Variants in RARS2 observed in about 807,000 individuals in gnomAD.
The protein encoded by RARS2 is arginyl-tRNA synthetase 2, mitochondrial.
RARS2 carries 67 observed loss-of-function variants against 88.5 expected under a neutral mutation model. The ratio of observed to expected loss-of-function variants is 0.76; its 90% CI spans 0.62 to 0.93. The LOEUF (loss-of-function observed/expected upper bound fraction) is 0.93. Among genes scored for constraint, RARS2 ranks in the 40% least tolerant of loss-of-function variants. The probability of loss-of-function intolerance (pLI) is 0.00; values close to 1 mark genes in which losing one functional copy is unlikely to be tolerated. For missense variants in RARS2, 664 were observed against 684.2 expected, an observed-to-expected ratio of 0.97 and a Z score of 0.33; for synonymous variants, 239 against 230.3, an observed-to-expected ratio of 1.04 and a Z score of -0.34.
At chr6:87,548,387 A>C (rs968584808) in intron 6 of RARS2, among the ~76,000 whole-genome samples, 2 of 152,218 alleles carry the variant, frequency 1.3e-5, no homozygotes, top group African/African-American at 4.8e-5. Context: ...TTCTCAGTGA[A>C]TCTTTTGGTT....
intron 1 of RARS2, among the ~76,000 whole-genome samples, chr6:87,574,503 T>G (rs1452828001): frequency 6.6e-6 from 1 of 152,040 alleles, no homozygotes; most frequent in African/African-American, 2.4e-5. Flanking sequence ...GGCAGAGCTG[T>G]CAAGCATGAG....
intron 10 of RARS2, among the ~76,000 whole-genome samples, chr6:87,525,633 C>G (rs1400129740): frequency 4.0e-5 from 6 of 151,338 alleles, no homozygotes; most frequent in Non-Finnish European, 5.9e-5. Flanking sequence ...ATTGCAACCT[C>G]TGCCTCCTGG....
intron 4 of RARS2, among the ~76,000 whole-genome samples, chr6:87,556,525 G>A (rs1051942254): frequency 3.9e-5 from 6 of 151,914 alleles, no homozygotes; most frequent in East Asian, 1.9e-4. Context: ...AGTGGATCAC[G>A]CCTGTAACCC....
intron 1 of RARS2, among the ~76,000 whole-genome samples, chr6:87,575,277 A>ACACACACACACACC (rs1422126329): frequency 5.0e-5 from 7 of 140,054 alleles, no homozygotes; most frequent in African/African-American, 1.1e-4. Flanking sequence ...ACACACACAC[A>ACACACACACACACC]CCTTGGCTTC....
intron 4 of RARS2, among the ~76,000 whole-genome samples, chr6:87,557,305 C>G (rs995418813): frequency 1.3e-5 from 2 of 152,170 alleles, no homozygotes; most frequent in Admixed American, 1.3e-4. Flanking sequence ...AATATATAGA[C>G]AGTATACAGA....
intron 7 of RARS2, among the ~76,000 whole-genome samples, chr6:87,543,049 C>T (rs1409165757): frequency 6.6e-6 from 1 of 152,056 alleles, no homozygotes; most frequent in East Asian, 1.9e-4. Context: ...TGCCTGTAAT[C>T]CCAGCACATT....
intron 11 of RARS2, among the ~76,000 whole-genome samples, chr6:87,522,052 C>T (rs987840513): frequency 1.3e-5 from 2 of 152,138 alleles, no homozygotes; most frequent in African/African-American, 4.8e-5. Context: ...TAAAGTCGGC[C>T]AGGTGTGGCG....
intron 4 of RARS2, among the ~76,000 whole-genome samples, chr6:87,561,981 T>C (rs905449098): frequency 3.3e-5 from 5 of 152,228 alleles, no homozygotes; most frequent in East Asian, 1.9e-4. Context: ...AATTTTTATT[T>C]TGAGACAAGG....
intron 8 of RARS2, among the ~76,000 whole-genome samples, chr6:87,532,498 G>GTA (rs1368166252): frequency 6.6e-6 from 1 of 152,134 alleles, no homozygotes; most frequent in Non-Finnish European, 1.5e-5. Flanking sequence ...TGGACACAGG[G>GTA]TATCTAATGA....
chr6:87,584,747 C>T (rs1774619246), intron 1 of RARS2: 1 of 458,810 alleles, frequency 2.2e-6, no homozygotes, highest in African/African-American at 2.0e-5. Context: ...GATTTATGAA[C>T]AGAAGTCATA....
At chr6:87,583,043 T>G (rs966122839) in intron 1 of RARS2, among the ~76,000 whole-genome samples, 5 of 152,220 alleles carry the variant, frequency 3.3e-5, no homozygotes, top group African/African-American at 1.2e-4. Context: ...ATCTGATAAC[T>G]GTACTATGGT....
chr6:87,548,837 A>G (rs1347676027), intron 5 of RARS2, among the ~76,000 whole-genome samples, 191 bp from the exon 6 acceptor site: 3 of 152,218 alleles, frequency 2.0e-5, no homozygotes, highest in Non-Finnish European at 4.4e-5. Flanking sequence ...TGTTAATGAA[A>G]TTGATCTTGT....
intron 2 of RARS2, chr6:87,564,506 C>T (rs563947686): frequency 7.1e-5 from 28 of 396,866 alleles, no homozygotes; most frequent in Non-Finnish European, 1.2e-4. Context: ...AAAATACACA[C>T]ACACACACAA....
intron 8 of RARS2, among the ~76,000 whole-genome samples, chr6:87,537,945 G>C (rs897013547): frequency 6.6e-6 from 1 of 152,118 alleles, no homozygotes; most frequent in East Asian, 1.9e-4. Flanking sequence ...GCAAGCAAAG[G>C]CATCTTTCAA....
chr6:87,559,611 C>T (rs1787215433), intron 4 of RARS2, among the ~76,000 whole-genome samples: 1 of 152,086 alleles, frequency 6.6e-6, no homozygotes, highest in African/African-American at 2.4e-5. Context: ...CCTGCCTCAG[C>T]CTCTCAAAGT....
At chr6:87,546,729 C>T (rs551004834) in intron 6 of RARS2, among the ~76,000 whole-genome samples, 1 of 152,298 alleles carries the variant, frequency 6.6e-6, no homozygotes, top group South Asian at 2.1e-4. Context: ...ACAATAAATC[C>T]TCTTCTGCCT....
chr6:87,567,059 C>G (rs1237259743), intron 2 of RARS2, among the ~76,000 whole-genome samples: 1 of 151,902 alleles, frequency 6.6e-6, no homozygotes, highest in Non-Finnish European at 1.5e-5. Flanking sequence ...TGAGACCAGC[C>G]TGGCCAACAT....
intron 8 of RARS2, among the ~76,000 whole-genome samples, chr6:87,536,593 C>T (rs1258176214): frequency 3.3e-5 from 5 of 149,344 alleles, no homozygotes; most frequent in Non-Finnish European, 7.4e-5. Context: ...GCTGAGATCA[C>T]GCCACTGCAC....
chr6:87,518,656 T>C lies in RARS2; in HGVS notation c.1389A>G (p.Leu463=), dbSNP rs1772652521. The change falls in exon 16 of 20, where the codon CTA becomes CTG. Residue 463 remains leucine (L), a synonymous_variant. Coordinates refer to ENST00000369536, the MANE Select transcript of RARS2 (RefSeq NM_020320.5). Reference sequence around the variant, plus strand: ...TGTGGAGGCGGGCGTGTGTGTACTGTAGGAAGACTCCTGTGTCCCCGCGAC... The same window carrying C: ...TGTGGAGGCGGGCGTGTGTGTACTGCAGGAAGACTCCTGTGTCCCCGCGAC... The part of the protein sequence containing the change: ...FQSRGDTGVF[L]QYTHARLHSL... 1.2e-6 allele frequency: 2 copies of C among 1,613,748 alleles called. No individual in the cohort carries two copies. Among genetic ancestry groups the C allele is most frequent in the Non-Finnish European group, 1.7e-6 (2 of 1,179,830 alleles).
Sources: allele counts gnomAD v4.1 joint callset (sites outside exome capture counted in the v4.1 genomes callset), GRCh38; gene constraint gnomAD v4.1.1; transcripts MANE v1.5; gene names NCBI Gene and HGNC (gene_info 2026-07-23, HGNC 2026-07-21).